FGF13: variants seen among roughly 807,000 people sequenced by gnomAD.
FGF13 encodes the protein fibroblast growth factor 13.
Under a neutral mutation model 19.5 loss-of-function variants are expected in FGF13, and 2 were observed. The observed-to-expected ratio is 0.10, with a 90% confidence interval of 0.04 to 0.32. The LOEUF (loss-of-function observed/expected upper bound fraction) is 0.32, where lower values mean the gene tolerates loss of function less well. Among genes scored for constraint, FGF13 ranks in the 10% least tolerant of loss-of-function variants. The probability of loss-of-function intolerance (pLI) is 1.00; values close to 1 mark genes in which losing one functional copy is unlikely to be tolerated. For synonymous variants in FGF13, 72 were observed against 76.9 expected (o/e 0.94, Z 0.33); for missense variants, 113 against 192.7 (o/e 0.59, Z 2.45).
chrX:138,840,751 C>T (rs186960600), intron 3 of FGF13, among the ~76,000 whole-genome samples: 12 of 111,512 alleles, frequency 1.1e-4, no homozygotes, highest in Non-Finnish European at 1.7e-4. Flanking sequence ...TATAAAGGTA[C>T]GAAGTCCAGT....
At chrX:138,685,353 A>G (rs1479949373) in intron 3 of FGF13, among the ~76,000 whole-genome samples, 2 of 111,260 alleles carry the variant, frequency 1.8e-5, no homozygotes, top group Non-Finnish European at 3.8e-5. Context: ...AAGCCAATTA[A>G]TGGTTTCTTG....
At chrX:138,789,341 G>A (rs940675531) in intron 3 of FGF13, among the ~76,000 whole-genome samples, 5 of 103,436 alleles carry the variant, frequency 4.8e-5, no homozygotes, top group African/African-American at 1.4e-4. Context: ...GCTAATTTCC[G>A]TATTTTTTTT....
At chrX:138,976,087 G>A in intron 1 of FGF13, among the ~76,000 whole-genome samples, 1 of 111,553 alleles carries the variant, frequency 9.0e-6, no homozygotes, top group Non-Finnish European at 1.9e-5. Flanking sequence ...CTGGTCTTCT[G>A]ACACTGCATT....
At chrX:138,696,334 C>T (rs375648480) in intron 3 of FGF13, among the ~76,000 whole-genome samples, 8 of 111,910 alleles carry the variant, frequency 7.1e-5, no homozygotes, top group Middle Eastern at 4.6e-3. Context: ...GACTGGGGAA[C>T]GGGATAAGGT....
Position 138,643,872 on chromosome X carries a change from C to A in FGF13, c.403-8217G>T, listed in dbSNP as rs188967593. Among the ~76,000 whole-genome samples the A allele has an allele frequency of 2.0e-3, 221 of 111,509 alleles. 2 individuals are homozygous for A. The highest frequency in any genetic ancestry group is 7.0e-3 in the African/African-American group (215 of 30,671). On this transcript the variant is annotated intron_variant, in intron 3 of 4. Coordinates refer to ENST00000315930, the MANE Select transcript of FGF13 (RefSeq NM_004114.5). ...GTGAATCAAATATCAGATATGATTT[C>A]TAAAAACAAACCTTCTAGTCTTTTA...
At chrX:138,817,851 T>G (rs889418805) in intron 3 of FGF13, among the ~76,000 whole-genome samples, 4 of 112,441 alleles carry the variant, frequency 3.6e-5, no homozygotes, top group African/African-American at 1.3e-4. Flanking sequence ...GTAAATACTT[T>G]GGGTTTTGTG....
chrX:138,985,958 C>T (rs1174681760), intron 1 of FGF13, among the ~76,000 whole-genome samples: 1 of 111,324 alleles, frequency 9.0e-6, no homozygotes, highest in Non-Finnish European at 1.9e-5. Flanking sequence ...AACTTGGCTA[C>T]TTGAAGAAAA....
chrX:138,933,002 T>C (rs2091712245), intron 1 of FGF13, among the ~76,000 whole-genome samples: 1 of 111,601 alleles, frequency 9.0e-6, no homozygotes. Flanking sequence ...AGGGCAAGTA[T>C]AACCAGGAGA....
intron 3 of FGF13, among the ~76,000 whole-genome samples, chrX:138,797,993 T>C (rs2090792343): frequency 8.9e-6 from 1 of 111,884 alleles, no homozygotes; most frequent in Non-Finnish European, 1.9e-5. Flanking sequence ...AAAGATACAA[T>C]CACGTCGTCT....
chrX:138,825,519 C>T (rs1275127613), intron 3 of FGF13, among the ~76,000 whole-genome samples: 2 of 110,987 alleles, frequency 1.8e-5, no homozygotes, highest in Non-Finnish European at 3.8e-5. Flanking sequence ...TTTTCCAGGC[C>T]CCCATGATAA....
chrX:138,677,386 A>G (rs961951760), intron 3 of FGF13, among the ~76,000 whole-genome samples: 1 of 110,002 alleles, frequency 9.1e-6, no homozygotes, highest in Admixed American at 9.7e-5. Flanking sequence ...CAGAGTGAAC[A>G]GGCAACCTAC....
At chrX:139,084,635 C>T (rs961398695) in intron 1 of FGF13, among the ~76,000 whole-genome samples, 2 of 107,182 alleles carry the variant, frequency 1.9e-5, no homozygotes, top group African/African-American at 7.3e-5. Context: ...TACTTCAGTC[C>T]ATGAATGGGA....
At chrX:138,760,512 G>T (rs2090459814) in intron 3 of FGF13, among the ~76,000 whole-genome samples, 1 of 111,806 alleles carries the variant, frequency 8.9e-6, no homozygotes, top group Admixed American at 9.5e-5. Context: ...AACCCACCAA[G>T]GTGGGCAGGG....
intron 1 of FGF13, among the ~76,000 whole-genome samples, chrX:138,932,864 A>G (rs1428262563): frequency 9.1e-6 from 1 of 110,475 alleles, no homozygotes; most frequent in Non-Finnish European, 1.9e-5. Context: ...CCTGCTCTAC[A>G]GGCCCTGGCT....
chrX:139,016,296 AAG>A (rs898225000), intron 1 of FGF13, among the ~76,000 whole-genome samples: 2 of 111,706 alleles, frequency 1.8e-5, no homozygotes, highest in African/African-American at 6.5e-5. Flanking sequence ...AATATGTGAA[AAG>A]AGGGGGGAAA....
At chrX:138,883,973 G>A (rs2091440046) in intron 1 of FGF13, among the ~76,000 whole-genome samples, 1 of 112,293 alleles carries the variant, frequency 8.9e-6, no homozygotes, top group Non-Finnish European at 1.9e-5. Flanking sequence ...GCAGTTAGAA[G>A]ACGTGGGGTC....
At chrX:139,060,078 G>A (rs2092331964) in intron 1 of FGF13, among the ~76,000 whole-genome samples, 1 of 111,524 alleles carries the variant, frequency 9.0e-6, no homozygotes, top group Non-Finnish European at 1.9e-5. Flanking sequence ...TGATGGTTGT[G>A]AATTATTTTG....
chrX:138,727,375 CAAG>C (rs763851205), intron 1 of FGF13, among the ~76,000 whole-genome samples: 6 of 110,218 alleles, frequency 5.4e-5, no homozygotes, highest in South Asian at 7.9e-4. Context: ...ATCTCTTCAA[CAAG>C]AAGATTTTCT....
At chrX:138,980,060 A>C (rs2091957018) in intron 1 of FGF13, among the ~76,000 whole-genome samples, 1 of 112,471 alleles carries the variant, frequency 8.9e-6, no homozygotes. Flanking sequence ...TATTTCCTTC[A>C]TAACCATTTA....
Sources: allele counts gnomAD v4.1 joint callset (sites outside exome capture counted in the v4.1 genomes callset), GRCh38; gene constraint gnomAD v4.1.1; transcripts MANE v1.5; gene names NCBI Gene and HGNC (gene_info 2026-07-23, HGNC 2026-07-21).